The following FANK1 variants were observed in gnomAD, a reference collection of about 807,000 sequenced individuals.
The protein encoded by FANK1 is fibronectin type 3 and ankyrin repeat domains protein 1.
Under a neutral mutation model 45.3 loss-of-function variants are expected in FANK1, and 44 were observed. The ratio of observed to expected loss-of-function variants is 0.97; its 90% CI spans 0.76 to 1.25. FANK1 has a LOEUF of 1.25. Among genes scored for constraint, FANK1 ranks in the 50% most tolerant of loss-of-function variants. FANK1 has a pLI of 0.00. For synonymous variants in FANK1, 149 were observed against 152.5 expected, an observed-to-expected ratio of 0.98 and a Z score of 0.17; for missense variants, 391 against 424.4, an observed-to-expected ratio of 0.92 and a Z score of 0.69.
intron 1 of FANK1, among the ~76,000 whole-genome samples, chr10:125,956,843 G>A (rs1324680530): frequency 2.0e-5 from 3 of 152,112 alleles, no homozygotes; most frequent in Admixed American, 1.3e-4. Context: ...GGGCGAGTTC[G>A]GGGTAGTATA....
At chr10:125,923,818 G>T (rs899575028) in intron 1 of FANK1, among the ~76,000 whole-genome samples, 1 of 151,926 alleles carries the variant, frequency 6.6e-6, no homozygotes, top group Admixed American at 6.5e-5. Context: ...GCGAGCCATC[G>T]TTCTTGGCCT....
chr10:125,932,934 A>G (rs1198625038), intron 1 of FANK1, among the ~76,000 whole-genome samples: 1 of 152,180 alleles, frequency 6.6e-6, no homozygotes, highest in Non-Finnish European at 1.5e-5. Flanking sequence ...ATTTTGTCGA[A>G]TGCATTTTCT....
chr10:125,929,728 G>A (rs1285740295), intron 1 of FANK1, among the ~76,000 whole-genome samples: 1 of 152,154 alleles, frequency 6.6e-6, no homozygotes, highest in Non-Finnish European at 1.5e-5. Context: ...CACAAAGCAA[G>A]GAAGGAATGA....
chr10:125,971,812 C>A (rs185148230), intron 1 of FANK1, among the ~76,000 whole-genome samples: 1 of 151,988 alleles, frequency 6.6e-6, no homozygotes, highest in African/African-American at 2.4e-5. Context: ...TTAGTAGAGA[C>A]AGGGTTTCAC....
At chr10:125,944,017 T>A (rs1463128709) in intron 1 of FANK1, among the ~76,000 whole-genome samples, 1 of 152,236 alleles carries the variant, frequency 6.6e-6, no homozygotes, top group Non-Finnish European at 1.5e-5. Context: ...AAATGCAACA[T>A]AAGGTTAAAG....
intron 1 of FANK1, among the ~76,000 whole-genome samples, chr10:125,946,525 GAATGA>G (rs1408707188): frequency 2.6e-5 from 4 of 151,976 alleles, no homozygotes; most frequent in Non-Finnish European, 4.4e-5. Context: ...AAGATGAAAT[GAATGA>G]AATGAAGTGA....
At chr10:125,907,995 CTTTT>C (rs56856062) in intron 1 of FANK1, among the ~76,000 whole-genome samples, 5 of 133,962 alleles carry the variant, frequency 3.7e-5, no homozygotes, top group Non-Finnish European at 6.3e-5. Context: ...TTTTTTCTCC[CTTTT>C]TTTTTTTTTT....
intron 1 of FANK1, among the ~76,000 whole-genome samples, chr10:125,948,796 C>G (rs1271497797): frequency 6.6e-6 from 1 of 150,382 alleles, no homozygotes; most frequent in Non-Finnish European, 1.5e-5. Context: ...GATACCAAAG[C>G]CAGGCAGAGA....
At chr10:126,008,786 A>T (rs557826509) in intron 8 of FANK1, among the ~76,000 whole-genome samples, 1 of 152,354 alleles carries the variant, frequency 6.6e-6, no homozygotes, top group African/African-American at 2.4e-5. Flanking sequence ...CCACTGTGGG[A>T]TCAAAACAGA....
chr10:125,897,684 T>C (rs1944666767), intron 1 of FANK1, among the ~76,000 whole-genome samples: 1 of 152,266 alleles, frequency 6.6e-6, no homozygotes, highest in African/African-American at 2.4e-5. Context: ...TTATAGTTGC[T>C]TGATAGATTT....
chr10:125,941,970 G>A (rs1948478636), intron 1 of FANK1, among the ~76,000 whole-genome samples: 1 of 152,198 alleles, frequency 6.6e-6, no homozygotes, highest in African/African-American at 2.4e-5. Context: ...CACACAAGTG[G>A]GGCCACTGGT....
At chr10:125,905,148 A>C (rs1250702423) in intron 1 of FANK1, among the ~76,000 whole-genome samples, 535 of 29,854 alleles carry the variant, frequency 0.018, 5 homozygotes, top group African/African-American at 0.06. Context: ...AAAAAAAAAA[A>C]AACAAAAAAA....
chr10:125,966,621 A>G (rs1950214340), intron 1 of FANK1, among the ~76,000 whole-genome samples: 1 of 152,168 alleles, frequency 6.6e-6, no homozygotes, highest in African/African-American at 2.4e-5. Flanking sequence ...GTCAAGCAGG[A>G]TATCTGCTTG....
At chr10:125,907,243 A>G (rs529634873) in intron 1 of FANK1, among the ~76,000 whole-genome samples, 1 of 152,236 alleles carries the variant, frequency 6.6e-6, no homozygotes, top group East Asian at 1.9e-4. Context: ...TAGGATCTAT[A>G]GTGATAACTC....
At chr10:125,926,621 AT>A (rs1386424913) in intron 1 of FANK1, among the ~76,000 whole-genome samples, 8 of 152,416 alleles carry the variant, frequency 5.2e-5, no homozygotes, top group African/African-American at 1.9e-4. Flanking sequence ...GTTTTGATAT[AT>A]TTTATCATTT....
At position 125,910,769 on chromosome 10, in the gene FANK1, T is replaced by C. The variant is rs1945930120; in HGVS notation, c.13+14114T>C. On this transcript the variant is annotated intron_variant, in intron 1 of 10. Transcript: ENST00000368693. ...ATGTCCACAGGCTGGGTGCGGTGGCTCACTCCTGTAATCCCAGCACTTTGG... is the reference window on the plus strand; with the variant it reads ...ATGTCCACAGGCTGGGTGCGGTGGCCCACTCCTGTAATCCCAGCACTTTGG... Among the ~76,000 whole-genome samples, 4 of 152,214 alleles carry C rather than the reference T, an allele frequency of 2.6e-5. No homozygotes were observed. In the South Asian group the frequency reaches 8.3e-4, roughly 32 times the overall value.
chr10:125,920,870 T>A (rs1345117796), intron 1 of FANK1, among the ~76,000 whole-genome samples: 2 of 152,406 alleles, frequency 1.3e-5, no homozygotes, highest in Non-Finnish European at 2.9e-5. Context: ...GAGATACCTA[T>A]ATGCACTACT....
At chr10:125,980,071 C>G in intron 1 of FANK1, 90 bp from the exon 2 acceptor site, 2 of 1,360,704 alleles carry the variant, frequency 1.5e-6, no homozygotes, top group Non-Finnish European at 2.0e-6. Flanking sequence ...AGAAAAATAG[C>G]TCGATCACCA....
intron 1 of FANK1, among the ~76,000 whole-genome samples, chr10:125,923,489 T>A (rs1458381345): frequency 1.3e-5 from 2 of 151,932 alleles, no homozygotes; most frequent in African/African-American, 4.8e-5. Context: ...TCATCTATGC[T>A]TTAAAGTCTG....
Sources: gnomAD v4.1 joint callset for allele counts (sites outside exome capture counted in the v4.1 genomes callset) on GRCh38, gnomAD v4.1.1 for gene constraint, MANE v1.5 for transcripts, NCBI Gene and HGNC (gene_info 2026-07-23, HGNC 2026-07-21) for gene names.